Variants in UMOD observed in about 807,000 individuals in gnomAD.
UMOD encodes the protein Tamm-Horsfall urinary glycoprotein.
UMOD carries 64 observed loss-of-function variants against 66.0 expected under a neutral mutation model. The observed-to-expected ratio is 0.97, with a 90% CI of 0.79 to 1.19. UMOD has a LOEUF of 1.19. Among genes scored for constraint, UMOD ranks in the 50% most tolerant of loss-of-function variants. The probability of loss-of-function intolerance (pLI) is 0.00; values close to 1 mark genes in which losing one functional copy is unlikely to be tolerated. For missense variants in UMOD, 764 were observed against 850.9 expected, an observed-to-expected ratio of 0.90 and a Z score of 1.27; for synonymous variants, 398 against 352.7, an observed-to-expected ratio of 1.13 and a Z score of -1.44.
Position 20,346,346 on chromosome 16 carries a change from T to C in UMOD, c.974-12A>G. 1 of 1,614,132 alleles carries C rather than the reference T, an allele frequency of 6.2e-7. No individual in the cohort carries two copies. The highest frequency in any genetic ancestry group is 8.5e-7 in the Non-Finnish European group (1 of 1,180,016). ...CAGGAGGGAGATATCTGAAACAGGTTAGGTGGGATTGAGGACGTGTGTCTA... is the reference window on the plus strand; with the variant it reads ...CAGGAGGGAGATATCTGAAACAGGTCAGGTGGGATTGAGGACGTGTGTCTA... On this transcript the variant is annotated splice_polypyrimidine_tract_variant and intron_variant, in intron 4 of 10. Coordinates refer to ENST00000396138, the MANE Select transcript of UMOD (RefSeq NM_003361.4).
rs1346561428 is a variant in UMOD at position 20,349,202 on chromosome 16, A to C, written c.99T>G (p.Ser33=). ...TGCAGGTGGCATTGCTGTGACATTC[A>C]GAGCACCATCCTGTGGACAGAAAAG... is the stretch of plus-strand genomic sequence containing the variant. ...ATDTSEARWC[S]ECHSNATCTE... is the part of the protein sequence containing the mutation. The change falls in exon 3 of 11, where the codon TCT becomes TCG. Residue 33 remains serine, a synonymous_variant. Transcript: ENST00000396138. 6.2e-7 allele frequency: 1 copy of C among 1,613,520 alleles called. No homozygotes were observed. The highest frequency in any genetic ancestry group is 2.2e-5 in the East Asian group (1 of 44,874).
chr16:20,335,884 A>G (rs187459570), intron 9 of UMOD, among the ~76,000 whole-genome samples: 21 of 152,328 alleles, frequency 1.4e-4, no homozygotes, highest in Admixed American at 4.6e-4. Context: ...ACAGTGAAAG[A>G]GAGCCAACCT....
In UMOD at chr16:20,336,650, C is replaced by T. The variant is rs759903975; in HGVS notation, c.1818G>A (p.Arg606=). 2 of 1,614,040 alleles carry T rather than the reference C, an allele frequency of 1.2e-6. No homozygotes were observed. The highest frequency in any genetic ancestry group is 4.5e-5 in the East Asian group (2 of 44,880). The stretch of plus-strand genomic sequence containing the variant: ...AGGAGCGAGTGGCTCTCTTACCTTT[C>T]CGTGTGATGGGACCCAAGTTCAGGA... ...SRVLNLGPIT[R]KGVQATVSRA... is the part of the protein sequence containing the mutation. The change falls in exon 9 of 11, where the codon CGG becomes CGA. Residue 606 remains arginine, a synonymous_variant. Coordinates refer to ENST00000396138, the MANE Select transcript of UMOD (RefSeq NM_003361.4).
rs1416510572 is a variant in UMOD, at chr16:20,348,789, G to C, written c.512C>G (p.Ala171Gly). ...GGTGCGGTGCGCCTGGCACGGATCC[G>C]CGCACACGAGCGCGTCGCCCTCGGG... The part of the protein sequence containing the change: ...CVPEGDALVC[A>G]DPCQAHRTLD... Residue 171 changes from alanine (A) to glycine (G), a missense_variant, in exon 3 of 11, where the codon GCG becomes GGG. By Grantham distance (60) the Ala-to-Gly change is moderately conservative. Coordinates refer to ENST00000396138, the MANE Select transcript of UMOD (RefSeq NM_003361.4). 6.5e-7 allele frequency: 1 copy of C among 1,544,056 alleles called. No homozygotes were observed. The highest frequency in any genetic ancestry group is 2.4e-5 in the East Asian group (1 of 40,870).
intron 7 of UMOD, among the ~76,000 whole-genome samples, chr16:20,337,670 G>A (rs1329546794): frequency 1.3e-5 from 2 of 152,196 alleles, no homozygotes; most frequent in African/African-American, 4.8e-5. Context: ...ATTTCTCAAA[G>A]TGCGTAGAAC....
chr16:20,348,402 C>G, intron 3 of UMOD, 34 bp downstream of exon 3: 1 of 1,614,148 alleles, frequency 6.2e-7, no homozygotes, highest in Non-Finnish European at 8.5e-7. Context: ...CTTTCCAGGC[C>G]TGGGATGAGG....
intron 4 of UMOD, 68 bp downstream of exon 4, chr16:20,348,155 A>C (rs1596560531): frequency 7.3e-7 from 1 of 1,374,156 alleles, no homozygotes. Context: ...CTCACAGGGG[A>C]GGAATGTGTC....
At chr16:20,347,169 C>T (rs780321427) in intron 4 of UMOD, among the ~76,000 whole-genome samples, 8 of 152,178 alleles carry the variant, frequency 5.3e-5, no homozygotes, top group African/African-American at 9.7e-5. Context: ...ATTACAGGCA[C>T]CTGCCACCAG....
At chr16:20,338,568 C>T (rs573239090) in intron 7 of UMOD, among the ~76,000 whole-genome samples, 2 of 152,108 alleles carry the variant, frequency 1.3e-5, no homozygotes, top group Non-Finnish European at 2.9e-5. Context: ...GATCTTGGCT[C>T]ACTGCAACCT....
intron 10 of UMOD, 124 bp from the exon 11 acceptor site, chr16:20,333,499 A>G (rs1050271608): frequency 2.2e-6 from 2 of 898,596 alleles, no homozygotes; most frequent in Non-Finnish European, 3.6e-6. Context: ...GCTCTCCTAG[A>G]AAAAGGAAGC....
upstream of UMOD, among the ~76,000 whole-genome samples, chr16:20,354,078 A>G (rs1240878905): frequency 6.6e-6 from 1 of 152,178 alleles, no homozygotes; most frequent in Non-Finnish European, 1.5e-5. Context: ...CCTACAAAGG[A>G]CATGAACTCA....
At chr16:20,345,401 TTTCTTTC>T (rs1965493781) in intron 5 of UMOD, among the ~76,000 whole-genome samples, 1 of 76,354 alleles carries the variant, frequency 1.3e-5, no homozygotes, top group African/African-American at 9.2e-5. Context: ...TTTCTTTTTT[TTTCTTTC>T]TTTCTTTCTT....
At position 20,348,294 on chromosome 16, in the gene UMOD, C is replaced by G. The variant is rs1288953219; in HGVS notation, c.902G>C (p.Ser301Thr). The G allele has an allele frequency of 1.2e-6, 2 of 1,614,254 alleles. No individual in the cohort carries two copies. Among genetic ancestry groups the G allele is most frequent in the Non-Finnish European group, 1.7e-6 (2 of 1,180,050 alleles). Residue 301 changes from serine to threonine, a missense_variant, in exon 4 of 11, where the codon AGT (serine) becomes ACT (threonine). Transcript: ENST00000396138. ...ATTCGATTTGCAGTCCTCGTCTATACTGCACTCCTCACACGTCCCCTCCAC... is the reference window on the plus strand; with the variant it reads ...ATTCGATTTGCAGTCCTCGTCTATAGTGCACTCCTCACACGTCCCCTCCAC... ...SSVEGTCEECSIDEDCKSNNG... is the reference protein window; with the variant it reads ...SSVEGTCEECTIDEDCKSNNG...
chr16:20,349,316 T>G, intron 2 of UMOD, 104 bp from the exon 3 acceptor site: 22 of 1,259,234 alleles, frequency 1.7e-5, no homozygotes, highest in East Asian at 5.1e-5. Flanking sequence ...TTAAGACTTA[T>G]TCCCTAGAGG....
At chr16:20,340,994 A>G (rs927014778) in intron 7 of UMOD, 97 bp downstream of exon 7, 33 of 867,200 alleles carry the variant, frequency 3.8e-5, no homozygotes, top group Non-Finnish European at 5.2e-5. Flanking sequence ...ACTCTGTCAA[A>G]AAAAAAAAAA....
In UMOD at chr16:20,352,292, G is replaced by T. The variant is rs140845467; in HGVS notation, c.-103+397C>A. Among the ~76,000 whole-genome samples the T allele has an allele frequency of 4.3e-3, 647 of 152,104 alleles. 2 individuals carry two copies. Among genetic ancestry groups the T allele is most frequent in the South Asian group, 0.021 (101 of 4,804 alleles). On this transcript the variant is annotated intron_variant, in intron 1 of 10. Transcript: ENST00000396138. ...TATATTTAATTAAAAGAAGTCCCTG[G>T]ATATAACCCACAAAAGGAATGATTT...
chr16:20,346,450 G>T, intron 4 of UMOD, 116 bp from the exon 5 acceptor site: 1 of 989,476 alleles, frequency 1.0e-6, no homozygotes, highest in Non-Finnish European at 1.6e-6. Flanking sequence ...GCTCAGCATA[G>T]CCTTGAGCTG....
At position 20,348,509 on chromosome 16, in the gene UMOD, C is replaced by T. The variant is rs13335818; in HGVS notation, c.792G>A (p.Val264=). 0.17 allele frequency: 273,845 copies of T among 1,608,538 alleles called. 24,479 individuals are homozygous for T. The highest frequency in any genetic ancestry group is 0.2 in the Middle Eastern group (1,192 of 6,058). Residue 264 remains valine (V), a synonymous_variant, in exon 3 of 11, where the codon GTG becomes GTA. Transcript: ENST00000396138. ...HCCLWDASVQ[V]KACAGGYYVY... is the part of the protein sequence containing the mutation. ...CGTAGTAGCCGCCGGCACAGGCCTT[C>T]ACCTGGACGGACGCATCCCACAGGC...
In UMOD at chr16:20,348,425, C is replaced by A. The variant is rs200120541; in HGVS notation, c.865+11G>T. ...GCCTGGGATGAGGACTGTGGGGAGA[C>A]TCCGGCTGACCTGTGCAGTACGCCA... On this transcript the variant is annotated intron_variant, in intron 3 of 10. Coordinates refer to ENST00000396138, the MANE Select transcript of UMOD (RefSeq NM_003361.4). 3.1e-6 allele frequency: 5 copies of A among 1,613,950 alleles called. No individual in the cohort carries two copies. Among genetic ancestry groups the A allele is most frequent in the Non-Finnish European group, 4.2e-6 (5 of 1,180,042 alleles).
Sources: allele counts gnomAD v4.1 joint callset (sites outside exome capture counted in the v4.1 genomes callset), GRCh38; gene constraint gnomAD v4.1.1; transcripts MANE v1.5; gene names NCBI Gene and HGNC (gene_info 2026-07-23, HGNC 2026-07-21).